TMEM132D: variants seen among roughly 807,000 people sequenced by gnomAD.
TMEM132D encodes the protein mature OL transmembrane protein.
TMEM132D carries 21 observed loss-of-function variants against 62.3 expected under a neutral mutation model. The ratio of observed to expected loss-of-function variants is 0.34; its 90% CI spans 0.24 to 0.49. TMEM132D has a LOEUF of 0.49. Ranked by LOEUF, TMEM132D falls within the 20% of genes least tolerant of loss-of-function variation. The pLI is 0.99. For missense variants in TMEM132D, 1,346 were observed against 1,402.8 expected (o/e 0.96, Z 0.65); for synonymous variants, 621 against 575.6 (o/e 1.08, Z -1.13).
intron 1 of TMEM132D, among the ~76,000 whole-genome samples, chr12:129,770,143 G>T (rs57154325): frequency 0.72 from 91,504 of 127,778 alleles, 33,138 homozygotes; most frequent in Middle Eastern, 0.8. Context: ...TTTTTTGGTT[G>T]TTTTTTTTTT....
intron 5 of TMEM132D, among the ~76,000 whole-genome samples, chr12:129,120,446 C>A (rs1876023186): frequency 6.6e-6 from 1 of 152,182 alleles, no homozygotes; most frequent in African/African-American, 2.4e-5. Context: ...CCAGTCTAAT[C>A]ATGAGAAAGC....
At chr12:129,595,542 TC>T (rs1391965613) in intron 2 of TMEM132D, among the ~76,000 whole-genome samples, 2 of 152,198 alleles carry the variant, frequency 1.3e-5, no homozygotes, top group Non-Finnish European at 2.9e-5. Flanking sequence ...GGGATATTTC[TC>T]CATCCCTTGT....
At chr12:129,304,384 T>C (rs1312806980) in intron 4 of TMEM132D, among the ~76,000 whole-genome samples, 4 of 151,600 alleles carry the variant, frequency 2.6e-5, no homozygotes, top group African/African-American at 9.7e-5. Flanking sequence ...AACGATCCCA[T>C]ATCCTACAAT....
chr12:129,377,510 T>C (rs1275465381), intron 3 of TMEM132D, among the ~76,000 whole-genome samples: 1 of 152,192 alleles, frequency 6.6e-6, no homozygotes, highest in African/African-American at 2.4e-5. Flanking sequence ...AGAAATGCTG[T>C]TAAAACAAAC....
At chr12:129,115,499 A>G (rs1448401969) in intron 5 of TMEM132D, among the ~76,000 whole-genome samples, 4 of 152,202 alleles carry the variant, frequency 2.6e-5, no homozygotes, top group Admixed American at 1.3e-4. Context: ...GGAATTGGCT[A>G]TAAATCTCTT....
In TMEM132D at chr12:129,867,476, A is replaced by G. The variant is rs1566013661; in HGVS notation, c.79+35785T>C. The stretch of plus-strand genomic sequence containing the variant: ...GAGAATAGGGAGATGCTGATGAAAA[A>G]GGGAAAACCTTCTATTATGCCAGAT... On this transcript the variant is annotated intron_variant, in intron 1 of 8. Transcript: ENST00000422113. The surrounding 1 kb of genome is among the most constrained non-coding windows in gnomAD (Gnocchi z 4.5). Among the ~76,000 whole-genome samples the G allele has an allele frequency of 6.6e-6, 1 of 152,226 alleles. No individual in the cohort carries two copies. Among genetic ancestry groups the G allele is most frequent in the African/African-American group, 2.4e-5 (1 of 41,470 alleles).
chr12:129,703,155 G>C (rs1881423091), intron 1 of TMEM132D, among the ~76,000 whole-genome samples: 1 of 152,184 alleles, frequency 6.6e-6, no homozygotes, highest in Non-Finnish European at 1.5e-5. Flanking sequence ...AATTACAGAT[G>C]CTTAAATGTT....
chr12:129,588,740 ATTTTTTTCTT>A (rs1368747199), intron 2 of TMEM132D, among the ~76,000 whole-genome samples: 13 of 31,116 alleles, frequency 4.2e-4, no homozygotes, highest in South Asian at 2.5e-3. Flanking sequence ...ACGCCCAGCT[ATTTTTTTCTT>A]TTTTTTTTTT....
intron 1 of TMEM132D, among the ~76,000 whole-genome samples, chr12:129,724,544 T>C (rs1272171346): frequency 6.6e-6 from 1 of 152,212 alleles, no homozygotes; most frequent in Non-Finnish European, 1.5e-5. Flanking sequence ...TGTTTTGAGA[T>C]GGAGTCTCGC....
intron 1 of TMEM132D, among the ~76,000 whole-genome samples, chr12:129,837,161 A>G (rs1873032427): frequency 6.6e-6 from 1 of 152,234 alleles, no homozygotes; most frequent in Non-Finnish European, 1.5e-5. Context: ...CATATGTGTT[A>G]CCCAAGTCTA....
chr12:129,516,218 T>C (rs2137077496), intron 3 of TMEM132D, among the ~76,000 whole-genome samples: 1 of 152,286 alleles, frequency 6.6e-6, no homozygotes, highest in African/African-American at 2.4e-5. Flanking sequence ...CACTTAATCA[T>C]TTCACTTTCC....
At chr12:129,258,506 T>C (rs1880468575) in intron 4 of TMEM132D, among the ~76,000 whole-genome samples, 1 of 152,154 alleles carries the variant, frequency 6.6e-6, no homozygotes, top group Non-Finnish European at 1.5e-5. Flanking sequence ...GGGAGAAATA[T>C]CTTTTGAGTG....
intron 2 of TMEM132D, among the ~76,000 whole-genome samples, chr12:129,636,438 GGTCAGTT>G (rs1009876029): frequency 1.2e-4 from 18 of 152,132 alleles, no homozygotes; most frequent in African/African-American, 4.3e-4. Flanking sequence ...TGTTAATGTT[GGTCAGTT>G]GTCCCTGAAA....
chr12:129,889,730 A>G (rs544320434), intron 1 of TMEM132D, among the ~76,000 whole-genome samples: 11 of 152,194 alleles, frequency 7.2e-5, no homozygotes, highest in Non-Finnish European at 1.6e-4. Context: ...GCATCTGTTC[A>G]ATGCTGACCA....
At chr12:129,840,841 C>T (rs896258407) in intron 1 of TMEM132D, among the ~76,000 whole-genome samples, 7 of 152,214 alleles carry the variant, frequency 4.6e-5, no homozygotes, top group Admixed American at 6.5e-5. Context: ...TAAGACAATA[C>T]TCGAATGCAA....
intron 2 of TMEM132D, among the ~76,000 whole-genome samples, chr12:129,614,024 G>T (rs1293337830): frequency 6.6e-6 from 1 of 151,664 alleles, no homozygotes; most frequent in Non-Finnish European, 1.5e-5. Flanking sequence ...CCAGAACCCA[G>T]GTGACTGTCT....
chr12:129,808,355 C>T (rs568193570), intron 1 of TMEM132D, among the ~76,000 whole-genome samples: 2 of 152,196 alleles, frequency 1.3e-5, no homozygotes, highest in South Asian at 2.1e-4. Context: ...AAAACACTCT[C>T]GGGTTGGTTC....
At chr12:129,642,896 GACACA>G (rs1479147553) in intron 2 of TMEM132D, among the ~76,000 whole-genome samples, 2 of 145,578 alleles carry the variant, frequency 1.4e-5, no homozygotes, top group African/African-American at 5.0e-5. Flanking sequence ...ATTTCTCCAA[GACACA>G]ACCAAAGAAT....
At chr12:129,169,659 T>C (rs1202493827) in intron 5 of TMEM132D, among the ~76,000 whole-genome samples, 1 of 152,220 alleles carries the variant, frequency 6.6e-6, no homozygotes, top group East Asian at 1.9e-4. Flanking sequence ...TTTATCTCTA[T>C]ATTTCCATCA....
Sources: allele counts gnomAD v4.1 joint callset (sites outside exome capture counted in the v4.1 genomes callset), GRCh38; gene constraint gnomAD v4.1.1; non-coding constraint Gnocchi (gnomAD v3.1); transcripts MANE v1.5; gene names NCBI Gene and HGNC (gene_info 2026-07-23, HGNC 2026-07-21).